The following ZFHX3 variants were observed in gnomAD, a reference collection of about 807,000 sequenced individuals.
ZFHX3 encodes zinc finger homeobox protein 3.
ZFHX3 carries 42 observed loss-of-function variants against 279.1 expected under a neutral mutation model. The ratio of observed to expected loss-of-function variants is 0.15; its 90% CI spans 0.12 to 0.19. The LOEUF is 0.19. Ranked by LOEUF, ZFHX3 falls within the 10% of genes least tolerant of loss-of-function variation. The pLI is 1.00. For missense variants in ZFHX3, 4,981 were observed against 4,754.0 expected (o/e 1.05, Z -1.40); for synonymous variants, 2,293 against 1,957.8 (o/e 1.17, Z -4.52).
chr16:73,227,474 A>T (rs1251654161), intron 5 of ZFHX3, among the ~76,000 whole-genome samples: 1 of 152,176 alleles, frequency 6.6e-6, no homozygotes, highest in Non-Finnish European at 1.5e-5. Context: ...GGTGACTAGA[A>T]GATAATTTAA....
At chr16:73,152,744 A>G (rs944832666) in intron 5 of ZFHX3, among the ~76,000 whole-genome samples, 5 of 150,180 alleles carry the variant, frequency 3.3e-5, no homozygotes, top group Admixed American at 1.3e-4. Flanking sequence ...GAGAGAGAGA[A>G]AAAAAATGAG....
At chr16:73,588,839 G>C (rs2051957056) in intron 2 of ZFHX3, among the ~76,000 whole-genome samples, 2 of 152,166 alleles carry the variant, frequency 1.3e-5, no homozygotes, top group African/African-American at 4.8e-5. Flanking sequence ...GAACTTCTGG[G>C]GTTGGGGAGA....
At chr16:73,478,738 C>A (rs1373352321) in intron 2 of ZFHX3, among the ~76,000 whole-genome samples, 2 of 152,082 alleles carry the variant, frequency 1.3e-5, no homozygotes, top group Non-Finnish European at 2.9e-5. Flanking sequence ...TGATTAAGGT[C>A]ACAGACCACT....
At chr16:73,858,766 G>A (rs894225686) in intron 1 of ZFHX3, among the ~76,000 whole-genome samples, 8 of 152,264 alleles carry the variant, frequency 5.3e-5, no homozygotes, top group Admixed American at 2.6e-4. Context: ...GTTTTAATAC[G>A]GGGTTTTCAG....
intron 1 of ZFHX3, among the ~76,000 whole-genome samples, chr16:73,704,829 T>C (rs2053287901): frequency 6.6e-6 from 1 of 152,190 alleles, no homozygotes; most frequent in Non-Finnish European, 1.5e-5. Flanking sequence ...TGGGAGCCAG[T>C]GTAGAATTGC....
At chr16:73,178,900 G>C (rs988357027) in intron 5 of ZFHX3, among the ~76,000 whole-genome samples, 1 of 152,040 alleles carries the variant, frequency 6.6e-6, no homozygotes, top group Non-Finnish European at 1.5e-5. Flanking sequence ...CCCACCCAAC[G>C]ATACGTAAAT....
chr16:73,162,195 T>A (rs1967253777), intron 5 of ZFHX3, among the ~76,000 whole-genome samples: 1 of 152,224 alleles, frequency 6.6e-6, no homozygotes, highest in Non-Finnish European at 1.5e-5. Context: ...TTCGTCTGTA[T>A]TTACAGCTGT....
chr16:72,807,472 G>C (rs190854255), intron 7 of ZFHX3: 1 of 152,190 alleles, frequency 6.6e-6, no homozygotes, highest in Non-Finnish European at 1.5e-5. Flanking sequence ...ATAGATATGA[G>C]ATGCAGAGCA....
At chr16:73,467,741 A>G (rs2018597368) in intron 2 of ZFHX3, among the ~76,000 whole-genome samples, 1 of 152,204 alleles carries the variant, frequency 6.6e-6, no homozygotes, top group Non-Finnish European at 1.5e-5. Context: ...CAGATTCAAG[A>G]TCATCAACCC....
intron 1 of ZFHX3, among the ~76,000 whole-genome samples, chr16:73,054,200 T>A (rs1158778208): frequency 1.3e-5 from 2 of 152,196 alleles, no homozygotes; most frequent in Non-Finnish European, 2.9e-5. Context: ...GACAGTGTTG[T>A]CTAATGAGGT....
Position 72,927,260 on chromosome 16 carries a change from A to T in ZFHX3, c.3216+23209T>A, listed in dbSNP as rs572667604. On this transcript the variant is annotated intron_variant, in intron 3 of 9. Coordinates refer to ENST00000268489, the MANE Select transcript of ZFHX3 (RefSeq NM_006885.4). The stretch of plus-strand genomic sequence containing the variant: ...TTTATTTAAATTTGTTTAGACCCAC[A>T]CCAATGAGTCTTCTCCCTGTGTCAC... Among the ~76,000 whole-genome samples the T allele has an allele frequency of 2.0e-5, 3 of 152,328 alleles. No individual in the cohort carries two copies. In the East Asian group the frequency reaches 5.8e-4, roughly 29 times the overall value.
Position 72,787,725 on chromosome 16 carries a change from G to GCCGCCGCCGCCACTGCCA in ZFHX3, c.10533_10550dup (p.Ser3513_Gly3518dup), listed in dbSNP as rs773083441. 4.3e-6 allele frequency: 6 copies of GCCGCCGCCGCCACTGCCA among 1,379,334 alleles called. No homozygotes were observed. The highest frequency in any genetic ancestry group is 3.0e-5 in the African/African-American group (2 of 66,404). The allele number at this position is 1,379,334 out of a possible 1,614,324, so 85.4% of individuals were successfully genotyped here. A position where few individuals can be genotyped will look rare whatever the true frequency, so the allele number is the denominator to read the frequency against. On this transcript the variant is annotated inframe_insertion, in exon 10 of 10. Transcript: ENST00000268489. Reference sequence around the variant, plus strand: ...CGCCGCCGCCGCCGCCGCCACCGCCGCCGCCGCCGCCACTGCCACCGCCGC... The same window carrying GCCGCCGCCGCCACTGCCA: ...CGCCGCCGCCGCCGCCGCCACCGCCGCCGCCGCCGCCACTGCCACCGCCGCCGCCACTGCCACCGCCGC...
At chr16:73,278,423 C>T (rs572865358) in intron 4 of ZFHX3, among the ~76,000 whole-genome samples, 34 of 152,258 alleles carry the variant, frequency 2.2e-4, no homozygotes, top group South Asian at 4.1e-4. Context: ...CCACTGGGTT[C>T]GTGGTCTCGC....
intron 3 of ZFHX3, among the ~76,000 whole-genome samples, chr16:72,906,379 G>T (rs1295720693): frequency 6.6e-6 from 1 of 151,954 alleles, no homozygotes; most frequent in Admixed American, 6.6e-5. Context: ...ATCGCACTGG[G>T]GGGGCATGGG....
chr16:73,197,266 A>C (rs1597215138), intron 5 of ZFHX3, among the ~76,000 whole-genome samples: 1 of 152,244 alleles, frequency 6.6e-6, no homozygotes, highest in East Asian at 1.9e-4. Flanking sequence ...TGTCATAAAC[A>C]ATGGATAATG....
chr16:73,528,214 G>A (rs1358540631), intron 2 of ZFHX3, among the ~76,000 whole-genome samples: 3 of 152,214 alleles, frequency 2.0e-5, no homozygotes, highest in Non-Finnish European at 2.9e-5. Flanking sequence ...GGTATTTAAT[G>A]TACACTACCT....
At chr16:73,311,567 G>A (rs1160586891) in intron 4 of ZFHX3, among the ~76,000 whole-genome samples, 3 of 132,604 alleles carry the variant, frequency 2.3e-5, no homozygotes, top group Non-Finnish European at 4.6e-5. Flanking sequence ...TCCAGCCTGG[G>A]CGACAGAGAC....
intron 3 of ZFHX3, among the ~76,000 whole-genome samples, chr16:73,320,161 G>A (rs1197078185): frequency 6.6e-6 from 1 of 152,206 alleles, no homozygotes; most frequent in Admixed American, 6.5e-5. Context: ...TGTCTCAGTC[G>A]AGGGCCTGGG....
intron 2 of ZFHX3, among the ~76,000 whole-genome samples, chr16:73,630,179 C>G (rs1023613415): frequency 8.5e-5 from 13 of 152,170 alleles, no homozygotes; most frequent in African/African-American, 3.1e-4. Context: ...AGTCTAATTT[C>G]AACCTTCTTT....
Sources: gnomAD v4.1 joint callset for allele counts (sites outside exome capture counted in the v4.1 genomes callset) on GRCh38, gnomAD v4.1.1 for gene constraint, MANE v1.5 for transcripts, NCBI Gene and HGNC (gene_info 2026-07-23, HGNC 2026-07-21) for gene names.